The following AMMECR1 variants were observed in gnomAD, a reference collection of about 807,000 sequenced individuals.
AMMECR1 encodes AMMECR nuclear protein 1, also known as nuclear protein AMMECR1.
Under a neutral mutation model 22.5 loss-of-function variants are expected in AMMECR1, and 3 were observed. The observed-to-expected ratio is 0.13, with a 90% CI of 0.06 to 0.35. The LOEUF is 0.35. Ranked by LOEUF, AMMECR1 falls within the 10% of genes least tolerant of loss-of-function variation. AMMECR1 has a pLI of 1.00. For synonymous variants in AMMECR1, 130 were observed against 116.7 expected (o/e 1.11, Z -0.74); for missense variants, 235 against 278.7 (o/e 0.84, Z 1.12).
chrX:110,213,613 T>C (rs2067457995), intron 3 of AMMECR1, among the ~76,000 whole-genome samples: 1 of 112,308 alleles, frequency 8.9e-6, no homozygotes, highest in African/African-American at 3.2e-5. Context: ...TTTGGGTATA[T>C]ACCTAGAAGT....
intron 1 of AMMECR1, among the ~76,000 whole-genome samples, chrX:110,288,551 C>T (rs189690554): frequency 8.9e-6 from 1 of 112,126 alleles, no homozygotes; most frequent in African/African-American, 3.2e-5. Flanking sequence ...ATAGACATTA[C>T]TGCAGGGCTT....
At chrX:110,240,277 G>A (rs751804956) in intron 2 of AMMECR1, among the ~76,000 whole-genome samples, 1 of 107,734 alleles carries the variant, frequency 9.3e-6, no homozygotes, top group African/African-American at 3.4e-5. Context: ...TGGATAAAGA[G>A]TCAAGAATCA....
In AMMECR1 at chrX:110,393,085, C is replaced by T. The variant is rs945970285; in HGVS notation, c.-148+33573G>A. On this transcript the variant is annotated intron_variant, in intron 2 of 7. Coordinates refer to the AMMECR1 transcript ENST00000372057. The stretch of plus-strand genomic sequence containing the variant: ...CAATTTGCACATTGTCCCTCTTGGG[C>T]CTGCTTCCCACCGGAGACTGCATCT... Among the ~76,000 whole-genome samples the T allele has an allele frequency of 1.7e-4, 19 of 111,190 alleles. No homozygotes were observed. In the East Asian group the frequency reaches 3.4e-3, roughly 20 times the overall value.
Position 110,273,099 on chromosome X carries a change from T to C in AMMECR1, c.474-8500A>G, listed in dbSNP as rs558367835. 4.5e-5 allele frequency among the ~76,000 whole-genome samples: 5 copies of C among 112,279 alleles called. No individual in the cohort carries two copies. The East Asian group carries it at 1.4e-3, about 31-fold the overall frequency. On this transcript the variant is annotated intron_variant, in intron 1 of 5. Transcript: ENST00000262844. The stretch of plus-strand genomic sequence containing the variant: ...AGAGAAATGGCCATCCTGTTTTCCA[T>C]AAAAGTTGAACTAATTTACATACCC...
chrX:110,312,063 T>C (rs1412522586), intron 1 of AMMECR1, among the ~76,000 whole-genome samples: 2 of 112,664 alleles, frequency 1.8e-5, no homozygotes, highest in East Asian at 5.5e-4. Flanking sequence ...GCCCTGGTCA[T>C]TGTGCTGCTT....
intron 5 of AMMECR1, 72 bp downstream of exon 5, chrX:110,200,882 G>T (rs2067393811): frequency 2.7e-6 from 2 of 744,324 alleles, no homozygotes; most frequent in South Asian, 2.6e-5. Context: ...AGAGACCAAA[G>T]AAATCAAAGG....
At chrX:110,308,625 C>CA (rs760325777) in intron 1 of AMMECR1, among the ~76,000 whole-genome samples, 74 of 110,844 alleles carry the variant, frequency 6.7e-4, no homozygotes, top group Middle Eastern at 4.6e-3. Context: ...TCTGTGAACT[C>CA]AAAAAAAATT....
At chrX:110,214,661 AAACAC>A (rs2067464497) in intron 3 of AMMECR1, among the ~76,000 whole-genome samples, 2 of 111,857 alleles carry the variant, frequency 1.8e-5, no homozygotes, top group South Asian at 7.5e-4. Flanking sequence ...CCTTCCCCCA[AAACAC>A]ATGCACACAC....
chrX:110,395,477 C>T (rs1363157485), intron 2 of AMMECR1, among the ~76,000 whole-genome samples: 1 of 111,835 alleles, frequency 8.9e-6, no homozygotes, highest in African/African-American at 3.3e-5. Context: ...TGGTAATCCT[C>T]ATGTAATCCT....
At chrX:110,389,055 T>C (rs929080597) in intron 2 of AMMECR1, among the ~76,000 whole-genome samples, 4 of 112,219 alleles carry the variant, frequency 3.6e-5, no homozygotes, top group Non-Finnish European at 7.5e-5. Flanking sequence ...CCCTAGAAGA[T>C]ATTAATAGGT....
intron 2 of AMMECR1, among the ~76,000 whole-genome samples, chrX:110,355,547 T>G (rs1347929666): frequency 8.9e-6 from 1 of 112,347 alleles, no homozygotes; most frequent in Non-Finnish European, 1.9e-5. Flanking sequence ...TGAGGTATCA[T>G]CTGTTAAAAT....
chrX:110,354,010 A>G (rs1366321608), intron 2 of AMMECR1, among the ~76,000 whole-genome samples: 1 of 112,577 alleles, frequency 8.9e-6, no homozygotes, highest in Non-Finnish European at 1.9e-5. Flanking sequence ...TGATGAAATA[A>G]ATTGAAGAAA....
intron 2 of AMMECR1, among the ~76,000 whole-genome samples, chrX:110,219,102 T>C (rs777398599): frequency 2.6e-4 from 29 of 111,845 alleles, no homozygotes; most frequent in African/African-American, 9.1e-4. Flanking sequence ...TGCTAGGGAA[T>C]TGATGTATAA....
intron 2 of AMMECR1, among the ~76,000 whole-genome samples, chrX:110,388,898 G>C (rs917794491): frequency 8.9e-6 from 1 of 112,506 alleles, no homozygotes; most frequent in Non-Finnish European, 1.9e-5. Flanking sequence ...AGTGGGGAGA[G>C]TGTGAACTGG....
At chrX:110,392,298 A>T (rs1602961395) in intron 2 of AMMECR1, among the ~76,000 whole-genome samples, 1 of 94,551 alleles carries the variant, frequency 1.1e-5, no homozygotes, top group East Asian at 3.3e-4. Context: ...TTTTTTTGAG[A>T]CAAGGTCTCA....
chrX:110,381,246 C>G (rs974367050), intron 2 of AMMECR1, among the ~76,000 whole-genome samples: 1 of 111,657 alleles, frequency 9.0e-6, no homozygotes, highest in Non-Finnish European at 1.9e-5. Context: ...AAAAACAACC[C>G]CATTGAAAAG....
intron 2 of AMMECR1, among the ~76,000 whole-genome samples, chrX:110,247,445 C>A (rs1407721180): frequency 9.0e-6 from 1 of 111,523 alleles, no homozygotes; most frequent in African/African-American, 3.3e-5. Flanking sequence ...AATCCCAACA[C>A]GTTGGGAGGC....
At chrX:110,366,581 T>C (rs530859004) in intron 2 of AMMECR1, among the ~76,000 whole-genome samples, 4 of 111,470 alleles carry the variant, frequency 3.6e-5, no homozygotes, top group Admixed American at 1.9e-4. Flanking sequence ...AGCCCCCTAG[T>C]GTCTCCATTT....
intron 2 of AMMECR1, among the ~76,000 whole-genome samples, chrX:110,397,853 A>AC (rs201394052): frequency 0.011 from 1,186 of 111,310 alleles, 10 homozygotes; most frequent in Middle Eastern, 0.023. Context: ...CCTCCCTGCC[A>AC]CCCCCAACTA....
Sources: gnomAD v4.1 joint callset for allele counts (sites outside exome capture counted in the v4.1 genomes callset) on GRCh38, gnomAD v4.1.1 for gene constraint, MANE v1.5 for transcripts, NCBI Gene and HGNC (gene_info 2026-07-23, HGNC 2026-07-21) for gene names.